RNF130: variants seen among roughly 807,000 people sequenced by gnomAD.
RNF130 encodes ring finger protein 130.
A neutral mutation model predicts 44.6 loss-of-function variants in RNF130; 21 were observed. The observed-to-expected ratio is 0.47, with a 90% CI of 0.33 to 0.68. The LOEUF is 0.68. Ranked by LOEUF, RNF130 falls within the 30% of genes least tolerant of loss-of-function variation. The pLI, the probability that RNF130 is intolerant of heterozygous loss-of-function variation, is 0.02. For missense variants in RNF130, 479 were observed against 560.6 expected, an observed-to-expected ratio of 0.85 and a Z score of 1.47; for synonymous variants, 214 against 210.4, an observed-to-expected ratio of 1.02 and a Z score of -0.15.
chr5:180,036,155 T>C (rs1764245353), intron 2 of RNF130, among the ~76,000 whole-genome samples: 1 of 152,168 alleles, frequency 6.6e-6, no homozygotes, highest in Non-Finnish European at 1.5e-5. Flanking sequence ...TCTGATATTT[T>C]CCCCCTTAAA....
chr5:179,940,533 G>A (rs531199576), intron 7 of RNF130, among the ~76,000 whole-genome samples: 9 of 152,178 alleles, frequency 5.9e-5, no homozygotes, highest in Admixed American at 2.6e-4. Context: ...CACTGTGCCC[G>A]GCCCAAATTG....
chr5:179,933,410 G>GTGTGTGTGTGTGTGTGTGTGTA (rs1448139546), intron 7 of RNF130, among the ~76,000 whole-genome samples: 20 of 151,732 alleles, frequency 1.3e-4, no homozygotes, highest in African/African-American at 4.8e-4. Flanking sequence ...GTGTGTGTGT[G>GTGTGTGTGTGTGTGTGTGTGTA]TGTGTGTGTG....
At chr5:180,016,956 C>T (rs141843957) in intron 2 of RNF130, among the ~76,000 whole-genome samples, 2 of 152,190 alleles carry the variant, frequency 1.3e-5, no homozygotes, top group East Asian at 3.9e-4. Flanking sequence ...AAATTTAACC[C>T]TGTGTTCTTT....
rs556439918 is a variant in RNF130 at position 179,944,032 on chromosome 5, C to T, written c.1150+22774G>A. Among the ~76,000 whole-genome samples the T allele has an allele frequency of 5.3e-5, 8 of 151,210 alleles. No individual in the cohort carries two copies. The East Asian group carries it at 7.8e-4, about 15-fold the overall frequency. On this transcript the variant is annotated intron_variant, in intron 7 of 7. Transcript: ENST00000522208. ...TGTCACCCAGGCTGGAGTGCAACGGCGCGATCTTGGCTCACTGCAACCTCC... is the reference window on the plus strand; with the variant it reads ...TGTCACCCAGGCTGGAGTGCAACGGTGCGATCTTGGCTCACTGCAACCTCC...
intron 2 of RNF130, among the ~76,000 whole-genome samples, chr5:180,037,802 CCAATTTACT>C (rs1036235931): frequency 2.6e-5 from 4 of 152,096 alleles, no homozygotes; most frequent in African/African-American, 9.7e-5. Context: ...TCCAATTTAC[CCAATTTACT>C]TTCCCACATT....
chr5:179,987,497 C>T (rs1037945645), intron 3 of RNF130, among the ~76,000 whole-genome samples: 2 of 152,174 alleles, frequency 1.3e-5, no homozygotes, highest in Non-Finnish European at 2.9e-5. Flanking sequence ...CTGACTGCTC[C>T]GGCTATGACT....
intron 2 of RNF130, among the ~76,000 whole-genome samples, chr5:180,015,045 T>A (rs1763685901): frequency 6.6e-6 from 1 of 152,194 alleles, no homozygotes; most frequent in Non-Finnish European, 1.5e-5. Flanking sequence ...CAATGGAACA[T>A]ATACCTTTTT....
intron 1 of RNF130, among the ~76,000 whole-genome samples, chr5:180,047,927 C>T (rs562949802): frequency 2.0e-5 from 3 of 152,070 alleles, no homozygotes; most frequent in African/African-American, 4.8e-5. Flanking sequence ...AATACTGACG[C>T]TCCCGAGTAC....
intron 6 of RNF130, among the ~76,000 whole-genome samples, chr5:179,967,411 C>A (rs1418869677): frequency 1.3e-5 from 2 of 151,008 alleles, no homozygotes; most frequent in African/African-American, 4.9e-5. Context: ...CTCTTTCATC[C>A]TACTAACTTC....
At chr5:180,004,099 C>G (rs1561688528) in intron 3 of RNF130, among the ~76,000 whole-genome samples, 1 of 152,238 alleles carries the variant, frequency 6.6e-6, no homozygotes, top group African/African-American at 2.4e-5. Context: ...TAGGCCCTAT[C>G]CAGACTTGCT....
chr5:179,934,570 A>G (rs1215898470), intron 7 of RNF130, among the ~76,000 whole-genome samples: 1 of 142,762 alleles, frequency 7.0e-6, no homozygotes, highest in Non-Finnish European at 1.5e-5. Context: ...TGGTGGGGAC[A>G]GGGTCTGACT....
chr5:179,940,009 G>C, intron 7 of RNF130: 1 of 219,704 alleles, frequency 4.6e-6, no homozygotes. Flanking sequence ...CTGCTCATCT[G>C]AATTTTCTCT....
intron 8 of RNF130, chr5:179,955,953 C>T (rs1762203455): frequency 3.1e-6 from 1 of 323,614 alleles, no homozygotes; most frequent in Non-Finnish European, 5.7e-6. Context: ...AATTATCATA[C>T]AATTTACAAT....
intron 2 of RNF130, among the ~76,000 whole-genome samples, chr5:180,031,353 G>A (rs556432102): frequency 6.7e-4 from 102 of 152,280 alleles, no homozygotes; most frequent in East Asian, 1.9e-3. Flanking sequence ...TGGGCATGGT[G>A]GCACGCACCT....
chr5:179,965,077 A>G (rs559677489), intron 7 of RNF130, among the ~76,000 whole-genome samples: 1 of 152,336 alleles, frequency 6.6e-6, no homozygotes, highest in South Asian at 2.1e-4. Flanking sequence ...ACCTTGTAGA[A>G]CTTCGTCACA....
At chr5:180,041,797 G>A (rs570103525) in intron 1 of RNF130, among the ~76,000 whole-genome samples, 18 of 152,298 alleles carry the variant, frequency 1.2e-4, no homozygotes, top group African/African-American at 3.8e-4. Context: ...AAAGCAAGGC[G>A]AGGTGTGGTG....
intron 8 of RNF130, among the ~76,000 whole-genome samples, chr5:179,957,429 A>C (rs1160666374): frequency 1.3e-5 from 2 of 152,184 alleles, no homozygotes; most frequent in Non-Finnish European, 2.9e-5. Flanking sequence ...TAAATAAAAT[A>C]AAGCAAAATA....
intron 2 of RNF130, among the ~76,000 whole-genome samples, chr5:180,022,024 A>G (rs1384828407): frequency 6.6e-6 from 1 of 152,162 alleles, no homozygotes; most frequent in African/African-American, 2.4e-5. Flanking sequence ...TGATCTGTCG[A>G]AGGTATTTCC....
Position 180,071,562 on chromosome 5 carries a change from G to A in RNF130, c.141C>T (p.Gly47=). ...ALINVTVQEP[G]RGAPLTFRID... ...TGCGAAACGTGAGCGGGGCGCCGCGGCCGGGCTCCTGCACCGTCACGTTGA... is the reference window on the plus strand; with the variant it reads ...TGCGAAACGTGAGCGGGGCGCCGCGACCGGGCTCCTGCACCGTCACGTTGA... The change falls in exon 1 of 9, where the codon GGC becomes GGT. Residue 47 remains glycine (G), a synonymous_variant. Coordinates refer to ENST00000521389, the MANE Select transcript of RNF130 (RefSeq NM_018434.6). 2 of 1,440,508 alleles carry A rather than the reference G, an allele frequency of 1.4e-6. No individual in the cohort carries two copies. The highest frequency in any genetic ancestry group is 1.8e-6 in the Non-Finnish European group (2 of 1,089,824). The allele number at this position is 1,440,508 out of a possible 1,614,324, so 89.2% of individuals were successfully genotyped here. A position where few individuals can be genotyped will look rare whatever the true frequency, so the allele number is the denominator to read the frequency against.
Sources: gnomAD v4.1 joint callset for allele counts (sites outside exome capture counted in the v4.1 genomes callset) on GRCh38, gnomAD v4.1.1 for gene constraint, MANE v1.5 for transcripts, NCBI Gene and HGNC (gene_info 2026-07-23, HGNC 2026-07-21) for gene names.